DLG2: variants seen among roughly 807,000 people sequenced by gnomAD.
DLG2 encodes the protein discs large MAGUK scaffold protein 2.
Under a neutral mutation model 132.5 loss-of-function variants are expected in DLG2, and 45 were observed. The ratio of observed to expected loss-of-function variants is 0.34; its 90% CI spans 0.27 to 0.44. The LOEUF is 0.44. Ranked by LOEUF, DLG2 falls within the 20% of genes least tolerant of loss-of-function variation. The pLI is 1.00. For missense variants in DLG2, 1,045 were observed against 1,196.9 expected (o/e 0.87, Z 1.87); for synonymous variants, 424 against 419.6 (o/e 1.01, Z -0.13).
chr11:85,356,752 T>C (rs1024894264), intron 3 of DLG2, among the ~76,000 whole-genome samples: 2 of 151,548 alleles, frequency 1.3e-5, no homozygotes, highest in African/African-American at 4.9e-5. Context: ...TACTACAGCA[T>C]GCCCAGAAAG....
intron 2 of DLG2, among the ~76,000 whole-genome samples, chr11:85,604,866 CA>C (rs1322681678): frequency 6.6e-6 from 1 of 152,038 alleles, no homozygotes; most frequent in Admixed American, 6.5e-5. Flanking sequence ...TAATTTGGGA[CA>C]GGTAATTTAA....
intron 21 of DLG2, among the ~76,000 whole-genome samples, chr11:83,485,916 G>T (rs1246127372): frequency 1.4e-4 from 21 of 152,020 alleles, no homozygotes. Context: ...GAGCTCAATT[G>T]TATGCCCATT....
At chr11:83,730,385 T>C (rs1209590357) in intron 18 of DLG2, among the ~76,000 whole-genome samples, 6 of 152,164 alleles carry the variant, frequency 3.9e-5, no homozygotes, top group Non-Finnish European at 2.9e-5. Flanking sequence ...ACTTAAGCTA[T>C]AATGTATATG....
At chr11:84,421,607 C>T (rs541431983) in intron 7 of DLG2, among the ~76,000 whole-genome samples, 1 of 152,316 alleles carries the variant, frequency 6.6e-6, no homozygotes, top group Non-Finnish European at 1.5e-5. Context: ...TGAATCTGAT[C>T]TTATCAACCT....
At chr11:83,671,495 G>A (rs1468694951) in intron 18 of DLG2, among the ~76,000 whole-genome samples, 2 of 152,156 alleles carry the variant, frequency 1.3e-5, no homozygotes, top group African/African-American at 4.8e-5. Flanking sequence ...TCCCTCTGGT[G>A]ATAAGATCCA....
intron 22 of DLG2, among the ~76,000 whole-genome samples, chr11:83,481,139 C>T (rs112980099): frequency 4.6e-5 from 7 of 152,134 alleles, no homozygotes; most frequent in African/African-American, 9.6e-5. Context: ...GCCTGATACA[C>T]GGTACAGGTT....
intron 14 of DLG2, among the ~76,000 whole-genome samples, chr11:83,946,735 A>G (rs11233837): frequency 0.032 from 4,940 of 152,304 alleles, 126 homozygotes; most frequent in East Asian, 0.15. Flanking sequence ...ACTGGCGAAT[A>G]CACACACGTG....
At chr11:84,174,191 T>A (rs2095892284) in intron 8 of DLG2, among the ~76,000 whole-genome samples, 2 of 151,938 alleles carry the variant, frequency 1.3e-5, no homozygotes, top group East Asian at 1.9e-4. Flanking sequence ...ACATTTGTTA[T>A]CAATTCCCGC....
At chr11:83,795,417 ATATCTAT>A (rs2042553362) in intron 17 of DLG2, among the ~76,000 whole-genome samples, 1 of 142,438 alleles carries the variant, frequency 7.0e-6, no homozygotes, top group African/African-American at 2.7e-5. Flanking sequence ...AAGAAAAAAA[ATATCTAT>A]ATCTATATCT....
intron 18 of DLG2, among the ~76,000 whole-genome samples, chr11:83,716,916 C>A (rs1481586610): frequency 6.6e-6 from 1 of 152,120 alleles, no homozygotes; most frequent in Non-Finnish European, 1.5e-5. Flanking sequence ...AAAAATGTTA[C>A]TGAAATGTTT....
chr11:83,835,482 C>A (rs1371525476), intron 16 of DLG2, among the ~76,000 whole-genome samples: 4 of 152,086 alleles, frequency 2.6e-5, no homozygotes, highest in Admixed American at 2.6e-4. Flanking sequence ...AAAGGAAGAA[C>A]ATTCTGGCCA....
At chr11:84,723,195 C>T (rs555867) in intron 6 of DLG2, among the ~76,000 whole-genome samples, 112,501 of 151,946 alleles carry the variant, frequency 0.74, 42,156 homozygotes, top group Middle Eastern at 0.85. Flanking sequence ...TTGTATGCTC[C>T]ATATTGTGAT....
intron 6 of DLG2, among the ~76,000 whole-genome samples, chr11:84,589,121 T>G (rs1443222656): frequency 6.6e-6 from 1 of 152,132 alleles, no homozygotes; most frequent in Admixed American, 6.5e-5. Flanking sequence ...GGAGAGGTTG[T>G]GGCTGAAGGG....
intron 6 of DLG2, among the ~76,000 whole-genome samples, chr11:84,860,168 AT>A (rs2083421723): frequency 1.3e-5 from 2 of 152,192 alleles, no homozygotes; most frequent in Admixed American, 6.5e-5. Flanking sequence ...ACTTAAAAAA[AT>A]ATTTATTGTA....
intron 6 of DLG2, among the ~76,000 whole-genome samples, chr11:84,911,279 A>T (rs1264457876): frequency 6.6e-6 from 1 of 151,982 alleles, no homozygotes; most frequent in African/African-American, 2.4e-5. Context: ...AAAAGCCTAC[A>T]TGTTGCTTAA....
intron 6 of DLG2, among the ~76,000 whole-genome samples, chr11:84,688,008 A>G (rs936085930): frequency 1.4e-4 from 22 of 152,192 alleles, no homozygotes; most frequent in African/African-American, 5.3e-4. Flanking sequence ...ACTGAACACC[A>G]TGCCTTCAGA....
chr11:84,863,949 G>A (rs373640993), intron 6 of DLG2, among the ~76,000 whole-genome samples: 24 of 152,236 alleles, frequency 1.6e-4, no homozygotes, highest in African/African-American at 5.8e-4. Context: ...AATACTGCTG[G>A]TAAGGATTCA....
chr11:84,832,083 A>C (rs914193132), intron 6 of DLG2, among the ~76,000 whole-genome samples: 1 of 151,730 alleles, frequency 6.6e-6, no homozygotes, highest in African/African-American at 2.4e-5. Context: ...TGCCAGCCCT[A>C]TCCTAACCCA....
At chr11:85,192,574 T>G (rs886682332) in intron 4 of DLG2, among the ~76,000 whole-genome samples, 1 of 152,202 alleles carries the variant, frequency 6.6e-6, no homozygotes, top group African/African-American at 2.4e-5. Flanking sequence ...AATAGGCACT[T>G]ATTAAAAGTG....
Sources: gnomAD v4.1 joint callset for allele counts (sites outside exome capture counted in the v4.1 genomes callset) on GRCh38, gnomAD v4.1.1 for gene constraint, MANE v1.5 for transcripts, NCBI Gene and HGNC (gene_info 2026-07-23, HGNC 2026-07-21) for gene names.